NPIPB2: variants seen among roughly 807,000 people sequenced by gnomAD.
NPIPB2 encodes nuclear pore complex interacting protein family member B2, also known as nuclear pore complex-interacting protein family member B2.
NPIPB2 carries 27 observed loss-of-function variants against 30.8 expected under a neutral mutation model. The ratio of observed to expected loss-of-function variants is 0.88; its 90% CI spans 0.65 to 1.21. NPIPB2 has a LOEUF of 1.21. Ranked by LOEUF, NPIPB2 falls within the 50% of genes most tolerant of loss-of-function variation. NPIPB2 has a pLI of 0.00. For synonymous variants in NPIPB2, 147 were observed against 162.0 expected, an observed-to-expected ratio of 0.91 and a Z score of 0.70; for missense variants, 440 against 446.2, an observed-to-expected ratio of 0.99 and a Z score of 0.13.
intron 1 of NPIPB2, among the ~76,000 whole-genome samples, chr16:11,970,511 C>A (rs1482438564): frequency 6.6e-6 from 1 of 150,988 alleles, no homozygotes; most frequent in East Asian, 1.9e-4. Flanking sequence ...CTGCACCTGG[C>A]CTTCCAGTGT....
upstream of NPIPB2, among the ~76,000 whole-genome samples, chr16:11,943,250 CAG>C (rs1197684695): frequency 6.6e-6 from 1 of 152,240 alleles, no homozygotes; most frequent in East Asian, 1.9e-4. Flanking sequence ...ACCCGGGAGG[CAG>C]AGTTTGCAGT....
upstream of NPIPB2, among the ~76,000 whole-genome samples, chr16:11,946,862 G>A (rs2055015787): frequency 6.6e-6 from 1 of 151,674 alleles, no homozygotes; most frequent in African/African-American, 2.4e-5. Context: ...TGAGATTACA[G>A]GCGCCCGCCA....
chr16:11,944,830 G>A (rs1342653423), upstream of NPIPB2, among the ~76,000 whole-genome samples: 2 of 150,850 alleles, frequency 1.3e-5, no homozygotes, highest in African/African-American at 4.9e-5. Context: ...GCTGTTACCT[G>A]CTGAAGCCCT....
chr16:11,969,552 G>C (rs1199209480), intron 1 of NPIPB2, among the ~76,000 whole-genome samples: 1 of 152,208 alleles, frequency 6.6e-6, no homozygotes, highest in East Asian at 1.9e-4. Flanking sequence ...ACTGTGCCTG[G>C]CCTTTTCTCT....
chr16:11,936,974 A>C (rs1274189813), intron 2 of NPIPB2, among the ~76,000 whole-genome samples: 2 of 151,776 alleles, frequency 1.3e-5, no homozygotes, highest in Admixed American at 1.3e-4. Context: ...CATTTCCCCT[A>C]AAAATCATTT....
intron 1 of NPIPB2, chr16:11,967,513 C>G: frequency 6.4e-7 from 1 of 1,557,250 alleles, no homozygotes; most frequent in Non-Finnish European, 8.7e-7. Context: ...TGCTAAGACT[C>G]TCATGACCAC....
chr16:11,943,084 G>A (rs932387576), upstream of NPIPB2, among the ~76,000 whole-genome samples: 262 of 152,304 alleles, frequency 1.7e-3, 1 homozygote, highest in African/African-American at 6.1e-3. Flanking sequence ...CACTTTGGGA[G>A]GCCGAGGTGG....
At chr16:11,971,577 C>T (rs1401653493) in intron 1 of NPIPB2, among the ~76,000 whole-genome samples, 1 of 152,060 alleles carries the variant, frequency 6.6e-6, no homozygotes, top group African/African-American at 2.4e-5. Flanking sequence ...TCACTGCAAC[C>T]TCTGCTTCCC....
intron 4 of NPIPB2, among the ~76,000 whole-genome samples, chr16:11,930,910 G>A (rs1440900414): frequency 9.3e-6 from 1 of 107,686 alleles, no homozygotes; most frequent in East Asian, 2.7e-4. Context: ...TTTTAGTTCA[G>A]TGTGAAAAAC....
chr16:11,954,919 A>AT (rs1169358784), intron 1 of NPIPB2, among the ~76,000 whole-genome samples: 1 of 151,578 alleles, frequency 6.6e-6, no homozygotes, highest in Non-Finnish European at 1.5e-5. Flanking sequence ...AAAAAAAAAA[A>AT]ATACTTTTTG....
upstream of NPIPB2, chr16:11,942,103 C>G: frequency 5.2e-6 from 8 of 1,532,016 alleles, no homozygotes; most frequent in Non-Finnish European, 7.0e-6. Flanking sequence ...ATGTAGCCAT[C>G]TGTCCATCAA....
upstream of NPIPB2, among the ~76,000 whole-genome samples, chr16:11,944,434 CG>C (rs1395860818): frequency 2.0e-5 from 3 of 151,624 alleles, no homozygotes; most frequent in Non-Finnish European, 2.9e-5. Flanking sequence ...CCCAAAGTCC[CG>C]GGATTACAGT....
intron 1 of NPIPB2, among the ~76,000 whole-genome samples, chr16:11,959,401 G>C (rs371513596): frequency 1.3e-3 from 199 of 152,184 alleles, no homozygotes; most frequent in African/African-American, 4.5e-3. Flanking sequence ...GGGCAGCAGA[G>C]CAAGACCCTG....
At chr16:11,955,981 A>G (rs1432139494) in intron 1 of NPIPB2, among the ~76,000 whole-genome samples, 1 of 151,932 alleles carries the variant, frequency 6.6e-6, no homozygotes, top group Non-Finnish European at 1.5e-5. Context: ...GTTCCCGAAG[A>G]CCCAAATGTT....
intron 2 of NPIPB2, among the ~76,000 whole-genome samples, chr16:11,935,245 A>G (rs553127031): frequency 6.6e-6 from 1 of 152,022 alleles, no homozygotes; most frequent in Admixed American, 6.6e-5. Flanking sequence ...TGTTCTCATC[A>G]TAGCTAAAAT....
chr16:11,955,894 G>A (rs1379989129), intron 1 of NPIPB2, among the ~76,000 whole-genome samples: 2 of 144,462 alleles, frequency 1.4e-5, no homozygotes, highest in East Asian at 2.0e-4. Context: ...CTTGACTCTC[G>A]TTTTGCAAAC....
intron 1 of NPIPB2, chr16:11,965,375 G>A (rs1461485164): frequency 1.2e-6 from 2 of 1,614,052 alleles, no homozygotes; most frequent in Non-Finnish European, 1.7e-6. Flanking sequence ...TTGACAGTTT[G>A]TTGCATGCTT....
At chr16:11,952,871 C>G (rs193022717) in intron 1 of NPIPB2, among the ~76,000 whole-genome samples, 1 of 151,842 alleles carries the variant, frequency 6.6e-6, no homozygotes, top group South Asian at 2.1e-4. Flanking sequence ...TGGCCCTTAT[C>G]GCCATCTTTC....
intron 2 of NPIPB2, among the ~76,000 whole-genome samples, chr16:11,936,942 T>G (rs1458917546): frequency 6.6e-6 from 1 of 151,880 alleles, no homozygotes; most frequent in Admixed American, 6.6e-5. Context: ...CTCAGGCCAA[T>G]TGTTTGTTCC....
Sources: gnomAD v4.1 joint callset for allele counts (sites outside exome capture counted in the v4.1 genomes callset) on GRCh38, gnomAD v4.1.1 for gene constraint, MANE v1.5 for transcripts, NCBI Gene and HGNC (gene_info 2026-07-23, HGNC 2026-07-21) for gene names.